Variants in STK3 observed in about 807,000 individuals in gnomAD.
STK3 encodes serine/threonine-protein kinase 3.
Under a neutral mutation model 58.0 loss-of-function variants are expected in STK3, and 41 were observed. The observed-to-expected ratio is 0.71, with a 90% CI of 0.55 to 0.92. The LOEUF is 0.92. Ranked by LOEUF, STK3 falls within the 40% of genes least tolerant of loss-of-function variation. The pLI is 0.00. For synonymous variants in STK3, 170 were observed against 191.0 expected (o/e 0.89, Z 0.91); for missense variants, 479 against 602.7 (o/e 0.79, Z 2.15).
chr8:98,774,625 T>C (rs1447195471), intron 2 of STK3, 114 bp downstream of exon 2: 1 of 667,060 alleles, frequency 1.5e-6, no homozygotes. Context: ...GTTTAATTAC[T>C]ATTAAATACT....
intron 6 of STK3, among the ~76,000 whole-genome samples, chr8:98,697,557 G>C (rs547902481): frequency 6.6e-6 from 1 of 152,254 alleles, no homozygotes; most frequent in East Asian, 1.9e-4. Context: ...TGTATATTGT[G>C]TCTTTGCTAT....
chr8:98,542,469 T>C (rs1810372379), intron 9 of STK3, among the ~76,000 whole-genome samples: 1 of 152,154 alleles, frequency 6.6e-6, no homozygotes, highest in Non-Finnish European at 1.5e-5. Flanking sequence ...GAGATCATCA[T>C]TCTCTATAGA....
At chr8:98,677,089 G>A (rs1823272031) in intron 6 of STK3, among the ~76,000 whole-genome samples, 1 of 152,182 alleles carries the variant, frequency 6.6e-6, no homozygotes, top group South Asian at 2.1e-4. Context: ...CAGGGCAGGA[G>A]CAGGTTATAG....
intron 3 of STK3, among the ~76,000 whole-genome samples, chr8:98,874,174 A>G (rs1383181372): frequency 6.6e-6 from 1 of 151,956 alleles, no homozygotes. Flanking sequence ...ATTGGCCCCC[A>G]CTCTCTTCTG....
At chr8:98,400,403 C>T (rs756845424), downstream of STK3, among the ~76,000 whole-genome samples, 8 of 152,356 alleles carry the variant, frequency 5.3e-5, no homozygotes, top group Non-Finnish European at 1.2e-4. Flanking sequence ...GACATGTAGA[C>T]ACAGCAGGCG....
At chr8:98,418,279 T>G (rs1179137959) in intron 3 of STK3, among the ~76,000 whole-genome samples, 1 of 152,176 alleles carries the variant, frequency 6.6e-6, no homozygotes, top group Non-Finnish European at 1.5e-5. Context: ...GCCTGATCTG[T>G]GGGTAGGGAG....
At chr8:98,419,536 A>G (rs1350937905) in intron 3 of STK3, among the ~76,000 whole-genome samples, 1 of 152,226 alleles carries the variant, frequency 6.6e-6, no homozygotes, top group Non-Finnish European at 1.5e-5. Context: ...GAAGACTAAG[A>G]GAACATTTCT....
chr8:98,675,561 G>C (rs1427479356), intron 6 of STK3, among the ~76,000 whole-genome samples: 2 of 152,056 alleles, frequency 1.3e-5, no homozygotes, highest in Non-Finnish European at 2.9e-5. Flanking sequence ...ATACCTAAAA[G>C]AATTAAAAGC....
intron 1 of STK3, among the ~76,000 whole-genome samples, chr8:98,440,825 A>G (rs1472578892): frequency 6.6e-6 from 1 of 152,244 alleles, no homozygotes; most frequent in African/African-American, 2.4e-5. Flanking sequence ...TTTCACTGGT[A>G]CATGAGGAAT....
exon 3 of STK3, chr8:98,371,610 A>G (rs2130989669): frequency 6.6e-6 from 1 of 152,384 alleles, no homozygotes; most frequent in East Asian, 1.9e-4. Context: ...CTCCTCAACC[A>G]AAACACTTCC....
At chr8:98,702,030 C>A (rs1199870916) in intron 6 of STK3, among the ~76,000 whole-genome samples, 1 of 152,136 alleles carries the variant, frequency 6.6e-6, no homozygotes, top group Non-Finnish European at 1.5e-5. Flanking sequence ...CATCATTTCC[C>A]TTTACTAAAC....
At chr8:98,790,925 A>G (rs1366478108) in intron 1 of STK3, among the ~76,000 whole-genome samples, 1 of 152,000 alleles carries the variant, frequency 6.6e-6, no homozygotes. Flanking sequence ...CAGAGGTTGC[A>G]GTGAGCTGAG....
At chr8:98,585,491 TA>T (rs1206799198) in intron 7 of STK3, among the ~76,000 whole-genome samples, 1 of 151,174 alleles carries the variant, frequency 6.6e-6, no homozygotes, top group Non-Finnish European at 1.5e-5. Flanking sequence ...CTGTTTTGGT[TA>T]CTGTAGCCTT....
At position 98,732,202 on chromosome 8, in the gene STK3, A is replaced by G. The variant is rs563399855; in HGVS notation, c.351+17074T>C. On this transcript the variant is annotated intron_variant, in intron 4 of 10. Transcript: ENST00000419617. ...AGGAAAAACAAATTCAGGAGATTCA[A>G]CCTTTCAATAAAGAAAATAGAAATT... 8.9e-4 allele frequency among the ~76,000 whole-genome samples: 136 copies of G among 152,260 alleles called. 1 individual carries two copies. Among genetic ancestry groups the G allele is most frequent in the African/African-American group, 3.2e-3 (133 of 41,558 alleles).
At chr8:98,657,886 C>A (rs1327162194) in intron 6 of STK3, among the ~76,000 whole-genome samples, 2 of 146,854 alleles carry the variant, frequency 1.4e-5, no homozygotes, top group Non-Finnish European at 3.1e-5. Flanking sequence ...TGTAATGGAT[C>A]CTTTACACAC....
chr8:98,660,626 C>G (rs1348585338), intron 6 of STK3, among the ~76,000 whole-genome samples: 1 of 152,012 alleles, frequency 6.6e-6, no homozygotes, highest in Non-Finnish European at 1.5e-5. Context: ...CTGACAAACA[C>G]TATCAACTTT....
chr8:98,671,853 C>T (rs1446102189), intron 6 of STK3, among the ~76,000 whole-genome samples: 1 of 152,128 alleles, frequency 6.6e-6, no homozygotes, highest in Admixed American at 6.5e-5. Flanking sequence ...AGGGTGGGAC[C>T]AGGTGGAGAT....
rs578212612 is a variant in STK3 at position 98,403,767 on chromosome 8, T to C, written n.484-2254A>G. On this transcript the variant is annotated intron_variant and non_coding_transcript_variant, in intron 3 of 3. Coordinates refer to the STK3 transcript ENST00000517832. ...TTGTTACAAAGTAGACTGCGTGCTATAGGCAACCAAGGACGTGTCTTCATC... is the reference window on the plus strand; with the variant it reads ...TTGTTACAAAGTAGACTGCGTGCTACAGGCAACCAAGGACGTGTCTTCATC... 2.0e-5 allele frequency among the ~76,000 whole-genome samples: 3 copies of C among 152,322 alleles called. No homozygotes were observed. The South Asian group carries it at 6.2e-4, about 32-fold the overall frequency.
chr8:98,688,046 T>G (rs371833957), intron 6 of STK3, among the ~76,000 whole-genome samples: 24 of 151,374 alleles, frequency 1.6e-4, no homozygotes, highest in African/African-American at 5.1e-4. Context: ...ATCTCACAAG[T>G]AACAACACCC....
Sources: allele counts gnomAD v4.1 joint callset (sites outside exome capture counted in the v4.1 genomes callset), GRCh38; gene constraint gnomAD v4.1.1; transcripts MANE v1.5; gene names NCBI Gene and HGNC (gene_info 2026-07-23, HGNC 2026-07-21).